The following PPARGC1A variants were observed in gnomAD, a reference collection of about 807,000 sequenced individuals.
The protein encoded by PPARGC1A is peroxisome proliferator-activated receptor gamma coactivator 1-alpha.
In PPARGC1A, 25 loss-of-function variants were observed where a neutral mutation model predicts 88.7. The observed-to-expected ratio is 0.28, with a 90% CI of 0.21 to 0.39. The LOEUF (loss-of-function observed/expected upper bound fraction) is 0.39. Among genes scored for constraint, PPARGC1A ranks in the 10% least tolerant of loss-of-function variants. PPARGC1A has a pLI of 1.00. For synonymous variants in PPARGC1A, 363 were observed against 355.6 expected (o/e 1.02, Z -0.24); for missense variants, 880 against 968.7 (o/e 0.91, Z 1.22).
chr4:23,874,778 AGCAACT>A (rs1714348544), intron 2 of PPARGC1A, among the ~76,000 whole-genome samples: 1 of 152,220 alleles, frequency 6.6e-6, no homozygotes, highest in African/African-American at 2.4e-5. Flanking sequence ...AAGCTGTCAC[AGCAACT>A]GCTTTTGGTC....
rs982318846 is a variant in PPARGC1A, at chr4:23,877,464, G to A, written c.234+7288C>T. Among the ~76,000 whole-genome samples the A allele has an allele frequency of 6.9e-5, 10 of 144,820 alleles. 1 individual carries two copies. In the South Asian group the frequency reaches 2.2e-3, roughly 32 times the overall value. On this transcript the variant is annotated intron_variant, in intron 2 of 12. Transcript: ENST00000264867. ...GAGGCAGGAGAATGGCGTGAACCCA[G>A]GAGGGGGAGGTTGCAGTGAGCTGAG...
At chr4:24,328,177 C>A in the PPARGC1A span, among the ~76,000 whole-genome samples, 17 of 152,090 alleles carry the variant, frequency 1.1e-4, no homozygotes, top group African/African-American at 4.1e-4. Context: ...AATACAAAGC[C>A]TATTTGGTGG....
At chr4:23,963,553 C>T in the PPARGC1A span, among the ~76,000 whole-genome samples, 192 of 152,246 alleles carry the variant, frequency 1.3e-3, 2 homozygotes, top group Middle Eastern at 0.02. Context: ...TTAAGACTCA[C>T]AGTCTGTTTG....
At chr4:24,041,619 G>T in the PPARGC1A span, among the ~76,000 whole-genome samples, 24 of 152,052 alleles carry the variant, frequency 1.6e-4, no homozygotes, top group Non-Finnish European at 1.5e-5. Context: ...TGCCTGTTGA[G>T]GGTTACACAC....
At chr4:24,465,053 T>TG in the PPARGC1A span, among the ~76,000 whole-genome samples, 1 of 152,228 alleles carries the variant, frequency 6.6e-6, no homozygotes, top group Non-Finnish European at 1.5e-5. Context: ...TCTTTAGAGA[T>TG]GGGGGTCTCC....
the PPARGC1A span, among the ~76,000 whole-genome samples, chr4:24,267,837 A>G: frequency 1.3e-5 from 2 of 151,966 alleles, no homozygotes; most frequent in Non-Finnish European, 2.9e-5. Context: ...TTTTTTTCCT[A>G]TGGGCACCTA....
chr4:23,977,964 C>T, the PPARGC1A span, among the ~76,000 whole-genome samples: 1 of 152,122 alleles, frequency 6.6e-6, no homozygotes, highest in African/African-American at 2.4e-5. Context: ...ATATTAAAAA[C>T]TACTAGAACA....
chr4:24,041,772 A>C, the PPARGC1A span, among the ~76,000 whole-genome samples: 1 of 152,200 alleles, frequency 6.6e-6, no homozygotes, highest in African/African-American at 2.4e-5. Flanking sequence ...CAAAGTATGA[A>C]TCCTACTATG....
rs1046464106 is a variant in PPARGC1A, at chr4:23,829,449, A to G, written c.552+14T>C. 6.2e-7 allele frequency: 1 copy of G among 1,611,806 alleles called. No individual in the cohort carries two copies. The highest frequency in any genetic ancestry group is 8.5e-7 in the Non-Finnish European group (1 of 1,178,452). Reference sequence around the variant, plus strand: ...TGGTACATCCCCCCTGTATTAAAAAATTTACATTTGTACCTTAACAATTGC... The same window carrying G: ...TGGTACATCCCCCCTGTATTAAAAAGTTTACATTTGTACCTTAACAATTGC... On this transcript the variant is annotated intron_variant, in intron 4 of 12. Transcript: ENST00000264867.
At chr4:24,328,840 T>C in the PPARGC1A span, among the ~76,000 whole-genome samples, 2 of 151,722 alleles carry the variant, frequency 1.3e-5, no homozygotes, top group Admixed American at 1.3e-4. Context: ...TGCTTGGCCA[T>C]TCAGTCCATG....
the PPARGC1A span, among the ~76,000 whole-genome samples, chr4:24,454,560 A>G: frequency 7.6e-6 from 1 of 131,946 alleles, no homozygotes; most frequent in East Asian, 2.1e-4. Flanking sequence ...ACATGACAAG[A>G]CCTTGTTTCT....
chr4:24,318,309 T>C, the PPARGC1A span, among the ~76,000 whole-genome samples: 1 of 152,192 alleles, frequency 6.6e-6, no homozygotes, highest in Non-Finnish European at 1.5e-5. Context: ...TGATGGAATG[T>C]GAAATGACAC....
At chr4:24,141,400 C>T in the PPARGC1A span, among the ~76,000 whole-genome samples, 1 of 152,220 alleles carries the variant, frequency 6.6e-6, no homozygotes, top group Non-Finnish European at 1.5e-5. Context: ...TCAGCGTTGA[C>T]TCTATGCTTA....
At chr4:24,323,985 T>A in the PPARGC1A span, among the ~76,000 whole-genome samples, 35 of 152,238 alleles carry the variant, frequency 2.3e-4, no homozygotes, top group Non-Finnish European at 5.1e-4. Flanking sequence ...TCCTTTCATT[T>A]TCTGGTAGAG....
At chr4:24,133,277 C>A in the PPARGC1A span, among the ~76,000 whole-genome samples, 466 of 152,240 alleles carry the variant, frequency 3.1e-3, 13 homozygotes, top group East Asian at 0.05. Context: ...AGTTCCAACA[C>A]CTGAGAGCTC....
chr4:23,956,689 T>C, the PPARGC1A span, among the ~76,000 whole-genome samples: 1 of 152,100 alleles, frequency 6.6e-6, no homozygotes, highest in Non-Finnish European at 1.5e-5. Flanking sequence ...GAGTTCCTTC[T>C]CTCTAAAATA....
the PPARGC1A span, among the ~76,000 whole-genome samples, chr4:23,929,330 G>A: frequency 6.6e-6 from 1 of 152,076 alleles, no homozygotes; most frequent in Non-Finnish European, 1.5e-5. Flanking sequence ...GTTACTAGAG[G>A]TGGAAAAATA....
chr4:24,274,861 T>C, the PPARGC1A span, among the ~76,000 whole-genome samples: 1 of 152,196 alleles, frequency 6.6e-6, no homozygotes, highest in Admixed American at 6.5e-5. Flanking sequence ...CCATGGGTAA[T>C]GATTCACTAA....
At chr4:24,141,588 G>C in the PPARGC1A span, among the ~76,000 whole-genome samples, 1 of 152,212 alleles carries the variant, frequency 6.6e-6, no homozygotes, top group African/African-American at 2.4e-5. Context: ...AGGGAAAATG[G>C]TGCATGCTTC....
Sources: gnomAD v4.1 joint callset for allele counts (sites outside exome capture counted in the v4.1 genomes callset) on GRCh38, gnomAD v4.1.1 for gene constraint, MANE v1.5 for transcripts, NCBI Gene and HGNC (gene_info 2026-07-23, HGNC 2026-07-21) for gene names.